Variants in RASGEF1A observed in about 807,000 individuals in gnomAD.
The protein encoded by RASGEF1A is RasGEF domain family member 1A.
RASGEF1A carries 18 observed loss-of-function variants against 56.4 expected under a neutral mutation model. The observed-to-expected ratio is 0.32, with a 90% confidence interval of 0.22 to 0.47. RASGEF1A has a LOEUF of 0.47. Among genes scored for constraint, RASGEF1A ranks in the 20% least tolerant of loss-of-function variants. The probability of loss-of-function intolerance (pLI) is 1.00; values close to 1 mark genes in which losing one functional copy is unlikely to be tolerated. For missense variants in RASGEF1A, 422 were observed against 627.1 expected (o/e 0.67, Z 3.49); for synonymous variants, 245 against 242.6 (o/e 1.01, Z -0.09).
chr10:43,206,067 C>T lies in RASGEF1A; in HGVS notation c.50G>A (p.Ser17Asn), dbSNP rs964911633. The T allele has an allele frequency of 1.9e-6, 3 of 1,605,836 alleles. No homozygotes were observed. The African/African-American group carries it at 4.0e-5, about 21-fold the overall frequency. ...CCCCATGCCAGGCTGCACCTGTCCG[C>T]TACAGCTGGGCCCAAGGATGCTGGA... is the stretch of plus-strand genomic sequence containing the variant. ...VFSSILGPSC[S>N]GQVQPGMGER... Residue 17 changes from serine to asparagine, a missense_variant, in exon 2 of 13, where the codon AGC becomes AAC. By Grantham distance (46) the Ser-to-Asn change is conservative (BLOSUM62 1). Transcript: ENST00000395810.
rs778170047 is a variant in RASGEF1A, at chr10:43,220,000, T to G, written c.-6-13878A>C. The stretch of plus-strand genomic sequence containing the variant: ...CTGCTGGGTCACAGAGCCATGGGCA[T>G]GCTCAGTCTGGCAGCCTCTGGGAAA... On this transcript the variant is annotated intron_variant, in intron 1 of 12. Transcript: ENST00000395810. Among the ~76,000 whole-genome samples the G allele has an allele frequency of 4.1e-4, 63 of 152,276 alleles. 1 individual carries two copies. The highest frequency in any genetic ancestry group is 3.4e-3 in the Middle Eastern group (1 of 294).
chr10:43,250,902 T>C (rs1840621152), intron 1 of RASGEF1A, among the ~76,000 whole-genome samples: 1 of 152,162 alleles, frequency 6.6e-6, no homozygotes, highest in South Asian at 2.1e-4. Context: ...CCCGCAACCC[T>C]GCTGAAGCCA....
At chr10:43,199,899 C>G in intron 6 of RASGEF1A, 131 bp from the exon 7 acceptor site, 1 of 809,936 alleles carries the variant, frequency 1.2e-6, no homozygotes, top group Non-Finnish European at 2.0e-6. Context: ...CCTGCGTGCT[C>G]CTTGCTGCCC....
intron 1 of RASGEF1A, among the ~76,000 whole-genome samples, chr10:43,264,346 C>G (rs79252086): frequency 0.34 from 52,029 of 150,954 alleles, 9,529 homozygotes; most frequent in Non-Finnish European, 0.39. Context: ...TCTGGACCCC[C>G]GCAGGTCAGG....
rs752259081 is a variant in RASGEF1A, at chr10:43,197,998, G to A, written c.1224+6C>T. 7 of 1,605,152 alleles carry A rather than the reference G, an allele frequency of 4.4e-6. No individual in the cohort carries two copies. In the Admixed American group the frequency reaches 1.0e-4, roughly 23 times the overall value. On this transcript the variant is annotated splice_donor_region_variant and intron_variant, in intron 10 of 12. Transcript: ENST00000395810. ...CCTGGCCTGCCCTGTGCTGGGATGAGCTCACCTTAAAGTTAATGTGCCCGT... is the reference window on the plus strand; with the variant it reads ...CCTGGCCTGCCCTGTGCTGGGATGAACTCACCTTAAAGTTAATGTGCCCGT...
At chr10:43,245,671 C>A (rs1052552135) in intron 1 of RASGEF1A, among the ~76,000 whole-genome samples, 1 of 152,134 alleles carries the variant, frequency 6.6e-6, no homozygotes, top group Admixed American at 6.6e-5. Context: ...ACATAATCAT[C>A]ACAATAGATG....
intron 1 of RASGEF1A, among the ~76,000 whole-genome samples, chr10:43,236,490 T>C (rs1340007653): frequency 6.6e-6 from 1 of 152,254 alleles, no homozygotes; most frequent in African/African-American, 2.4e-5. Flanking sequence ...TGTCTGCACC[T>C]GCGCCTATAA....
chr10:43,236,802 G>T, intron 1 of RASGEF1A, among the ~76,000 whole-genome samples: 1 of 152,308 alleles, frequency 6.6e-6, no homozygotes, highest in East Asian at 1.9e-4. Context: ...CCCTTCACAG[G>T]CTCCTGGAGA....
chr10:43,244,194 C>T lies in RASGEF1A; in HGVS notation c.-7+22651G>A, dbSNP rs145631468. On this transcript the variant is annotated intron_variant, in intron 1 of 12. Transcript: ENST00000395810. ...AACAGATGCTTGAAGACAGCATGCT[C>T]GTTAAGAGTCATCACCGTTCCCTAA... Among the ~76,000 whole-genome samples, 813 of 152,300 alleles carry T rather than the reference C, an allele frequency of 5.3e-3. 4 individuals are homozygous for T. The highest frequency in any genetic ancestry group is 0.018 in the African/African-American group (748 of 41,548).
intron 1 of RASGEF1A, among the ~76,000 whole-genome samples, chr10:43,210,315 C>T (rs1407671816): frequency 2.0e-5 from 3 of 151,480 alleles, no homozygotes; most frequent in Admixed American, 2.0e-4. Context: ...TACTAACATT[C>T]AAAAAAAAAT....
At chr10:43,261,283 AACTC>A (rs1836523260) in intron 1 of RASGEF1A, among the ~76,000 whole-genome samples, 1 of 152,220 alleles carries the variant, frequency 6.6e-6, no homozygotes, top group South Asian at 2.1e-4. Flanking sequence ...CAGCAGGTCT[AACTC>A]ACTCCAGCTT....
intron 2 of RASGEF1A, 104 bp from the exon 3 acceptor site, chr10:43,203,524 G>A: frequency 7.0e-7 from 1 of 1,428,718 alleles, no homozygotes; most frequent in Non-Finnish European, 9.2e-7. Flanking sequence ...GCCCAGCACC[G>A]CCGGTCCCGA....
chr10:43,220,509 T>G (rs1010514239), intron 1 of RASGEF1A, among the ~76,000 whole-genome samples: 1 of 152,032 alleles, frequency 6.6e-6, no homozygotes, highest in Non-Finnish European at 1.5e-5. Flanking sequence ...TCTCACCGGG[T>G]GTGGTGGCTC....
At chr10:43,254,048 C>G (rs1404362922) in intron 1 of RASGEF1A, among the ~76,000 whole-genome samples, 2 of 152,176 alleles carry the variant, frequency 1.3e-5, no homozygotes, top group Non-Finnish European at 2.9e-5. Flanking sequence ...ACCCTCAGGC[C>G]CACAGAGGGC....
At chr10:43,201,464 C>G (rs1588927367) in intron 4 of RASGEF1A, among the ~76,000 whole-genome samples, 1 of 152,230 alleles carries the variant, frequency 6.6e-6, no homozygotes, top group East Asian at 1.9e-4. Flanking sequence ...CCCCCACCTC[C>G]TCTCACTAAT....
intron 1 of RASGEF1A, among the ~76,000 whole-genome samples, chr10:43,215,841 T>C (rs148918399): frequency 8.0e-4 from 121 of 152,132 alleles, no homozygotes; most frequent in African/African-American, 2.4e-3. Context: ...ACAGAGGAGA[T>C]GGAAGGTCAG....
intron 1 of RASGEF1A, among the ~76,000 whole-genome samples, chr10:43,227,614 A>AG (rs1275086759): frequency 2.6e-5 from 4 of 152,136 alleles, no homozygotes; most frequent in African/African-American, 9.7e-5. Context: ...AGGTGTGGGT[A>AG]GGGTGGCCAG....
At chr10:43,197,151 C>T (rs1839811616) in intron 10 of RASGEF1A, 52 bp from the exon 11 acceptor site, 3 of 1,597,884 alleles carry the variant, frequency 1.9e-6, no homozygotes, top group Non-Finnish European at 2.6e-6. Context: ...AGCACCAAAC[C>T]CTCGGTCAGG....
At chr10:43,206,213 G>A (rs1046627369) in intron 1 of RASGEF1A, 91 bp from the exon 2 acceptor site, 7 of 1,062,798 alleles carry the variant, frequency 6.6e-6, no homozygotes, top group Middle Eastern at 3.0e-4. Flanking sequence ...GTGCATGCAT[G>A]TGTGCAGGGG....
Sources: allele counts gnomAD v4.1 joint callset (sites outside exome capture counted in the v4.1 genomes callset), GRCh38; gene constraint gnomAD v4.1.1; transcripts MANE v1.5; gene names NCBI Gene and HGNC (gene_info 2026-07-23, HGNC 2026-07-21).